Variants in WWOX observed in about 807,000 individuals in gnomAD.
WWOX encodes WW domain containing oxidoreductase.
A neutral mutation model predicts 46.2 loss-of-function variants in WWOX; 69 were observed. That is an observed-to-expected ratio of 1.49 (90% CI 1.23 to 1.82). The LOEUF (loss-of-function observed/expected upper bound fraction) is 1.82. Ranked by LOEUF, WWOX falls within the 40% of genes most tolerant of loss-of-function variation. The pLI is 0.00. For missense variants in WWOX, 919 were observed against 542.6 expected, an observed-to-expected ratio of 1.69 and a Z score of -6.89; for synonymous variants, 359 against 202.6, an observed-to-expected ratio of 1.77 and a Z score of -6.56.
At chr16:79,187,821 C>T (rs935247098) in intron 8 of WWOX, among the ~76,000 whole-genome samples, 3 of 152,338 alleles carry the variant, frequency 2.0e-5, no homozygotes, top group East Asian at 1.9e-4. Context: ...GGATTACAGG[C>T]GTGAGCCACC....
At chr16:78,898,521 C>G (rs531372474) in intron 8 of WWOX, 19 of 152,002 alleles carry the variant, frequency 1.2e-4, no homozygotes, top group African/African-American at 4.6e-4. Context: ...ACTTACTGCT[C>G]GATTGCCTGG....
intron 5 of WWOX, among the ~76,000 whole-genome samples, chr16:78,303,539 G>A (rs147991573): frequency 1.3e-5 from 2 of 152,006 alleles, no homozygotes; most frequent in Admixed American, 1.3e-4. Context: ...GTTTTTGTTT[G>A]TTGGTTGGTT....
intron 6 of WWOX, among the ~76,000 whole-genome samples, chr16:78,393,044 G>A (rs1007695566): frequency 6.6e-6 from 1 of 152,050 alleles, no homozygotes; most frequent in Non-Finnish European, 1.5e-5. Flanking sequence ...CAAAGCCTGT[G>A]GTAAGTTCCA....
chr16:78,345,799 A>T (rs76054581), intron 5 of WWOX, among the ~76,000 whole-genome samples: 1,797 of 119,412 alleles, frequency 0.015, 414 homozygotes, highest in African/African-American at 0.049. Flanking sequence ...TATTTTTTAA[A>T]GGAAAAATTT....
chr16:78,358,951 T>C (rs1009739226), intron 5 of WWOX, among the ~76,000 whole-genome samples: 16 of 150,666 alleles, frequency 1.1e-4, no homozygotes, highest in African/African-American at 3.7e-4. Flanking sequence ...TTGTACTGAC[T>C]TGACATTATA....
intron 8 of WWOX, among the ~76,000 whole-genome samples, chr16:78,915,537 C>G (rs1303546687): frequency 1.3e-5 from 2 of 152,138 alleles, no homozygotes; most frequent in African/African-American, 4.8e-5. Context: ...CAAATGTTAG[C>G]AGGGGACTGG....
chr16:78,231,589 T>G (rs1007474959), intron 5 of WWOX, among the ~76,000 whole-genome samples: 1 of 152,196 alleles, frequency 6.6e-6, no homozygotes, highest in African/African-American at 2.4e-5. Flanking sequence ...CTTTTTGTCT[T>G]TATGGTGTTT....
chr16:78,824,473 C>A (rs542109080), intron 8 of WWOX, among the ~76,000 whole-genome samples: 1 of 152,098 alleles, frequency 6.6e-6, no homozygotes, highest in African/African-American at 2.4e-5. Flanking sequence ...TGGGGAGAAA[C>A]AAGCAAAGTA....
At chr16:78,603,548 G>A (rs1460144490) in intron 8 of WWOX, among the ~76,000 whole-genome samples, 5 of 152,046 alleles carry the variant, frequency 3.3e-5, no homozygotes, top group Admixed American at 6.6e-5. Context: ...TAAAAAATTA[G>A]CTGGGCGTGG....
At chr16:78,916,682 A>G (rs62038094) in intron 8 of WWOX, among the ~76,000 whole-genome samples, 22,406 of 152,204 alleles carry the variant, frequency 0.15, 1,957 homozygotes, top group African/African-American at 0.24. Context: ...CCCAGGCACA[A>G]TATCTCAGAC....
At chr16:78,994,111 C>T (rs1567467850) in intron 8 of WWOX, among the ~76,000 whole-genome samples, 1 of 152,200 alleles carries the variant, frequency 6.6e-6, no homozygotes, top group Non-Finnish European at 1.5e-5. Context: ...GAAACGTTAC[C>T]TGTCAACATT....
At chr16:78,626,602 T>C (rs1223901207) in intron 8 of WWOX, among the ~76,000 whole-genome samples, 1 of 152,136 alleles carries the variant, frequency 6.6e-6, no homozygotes, top group Non-Finnish European at 1.5e-5. Context: ...CAAGGTAGTG[T>C]TCATTAGGTT....
At chr16:78,480,156 A>G (rs938623959) in intron 8 of WWOX, among the ~76,000 whole-genome samples, 2 of 152,216 alleles carry the variant, frequency 1.3e-5, no homozygotes, top group African/African-American at 4.8e-5. Context: ...TAAATTAATT[A>G]AAATTAAAAG....
At chr16:78,241,703 G>T (rs749177365) in intron 5 of WWOX, among the ~76,000 whole-genome samples, 6 of 152,180 alleles carry the variant, frequency 3.9e-5, no homozygotes, top group African/African-American at 7.2e-5. Flanking sequence ...GCTTCCCAAA[G>T]TGTTGGGATT....
chr16:78,554,018 G>A (rs1465271106), intron 8 of WWOX, among the ~76,000 whole-genome samples: 1 of 152,076 alleles, frequency 6.6e-6, no homozygotes, highest in African/African-American at 2.4e-5. Context: ...CAAACACGCC[G>A]TCAAGCAGGG....
chr16:78,234,802 C>CAAA lies in WWOX; in HGVS notation c.516+70520_516+70522dup, dbSNP rs35018794. On this transcript the variant is annotated intron_variant, in intron 5 of 8. Transcript: ENST00000566780. The stretch of plus-strand genomic sequence containing the variant: ...AAAACAAAACAAAACAAAAAAACAA[C>CAAA]AAAAAAAAACCCACACAGGTCTCAT... Among the ~76,000 whole-genome samples, 397 of 148,648 alleles carry CAAA rather than the reference C, an allele frequency of 2.7e-3. 3 individuals carry two copies. The highest frequency in any genetic ancestry group is 0.016 in the South Asian group (78 of 4,764).
At chr16:79,086,808 G>A (rs2048861957) in intron 8 of WWOX, among the ~76,000 whole-genome samples, 1 of 152,208 alleles carries the variant, frequency 6.6e-6, no homozygotes, top group Non-Finnish European at 1.5e-5. Context: ...GCTTCACGCT[G>A]GGAGGTGAAG....
intron 8 of WWOX, among the ~76,000 whole-genome samples, chr16:78,467,663 AAG>A (rs977839379): frequency 6.6e-6 from 1 of 152,228 alleles, no homozygotes; most frequent in African/African-American, 2.4e-5. Context: ...TTAGAGTAGA[AAG>A]AGATAAAGCT....
At chr16:78,459,577 C>T (rs142400172) in intron 8 of WWOX, among the ~76,000 whole-genome samples, 19 of 152,244 alleles carry the variant, frequency 1.2e-4, no homozygotes, top group Non-Finnish European at 2.4e-4. Context: ...TAATTGTAAG[C>T]GATCAGGCAT....
Sources: gnomAD v4.1 joint callset for allele counts (sites outside exome capture counted in the v4.1 genomes callset) on GRCh38, gnomAD v4.1.1 for gene constraint, MANE v1.5 for transcripts, NCBI Gene and HGNC (gene_info 2026-07-23, HGNC 2026-07-21) for gene names.